Variants in OPCML observed in about 807,000 individuals in gnomAD.
OPCML encodes the protein opioid-binding protein/cell adhesion molecule.
OPCML carries 13 observed loss-of-function variants against 37.8 expected under a neutral mutation model. That is an observed-to-expected ratio of 0.34 (90% confidence interval 0.22 to 0.55). OPCML has a LOEUF of 0.55. Among genes scored for constraint, OPCML ranks in the 20% least tolerant of loss-of-function variants. The probability of loss-of-function intolerance (pLI) is 0.91; values close to 1 mark genes in which losing one functional copy is unlikely to be tolerated. For missense variants in OPCML, 341 were observed against 435.6 expected (o/e 0.78, Z 1.93); for synonymous variants, 176 against 168.8 (o/e 1.04, Z -0.33).
chr11:132,871,982 A>G (rs1220964001), intron 2 of OPCML, among the ~76,000 whole-genome samples: 1 of 152,154 alleles, frequency 6.6e-6, no homozygotes, highest in East Asian at 1.9e-4. Context: ...CTAAAATTTT[A>G]TCCCATCTTT....
At chr11:133,256,242 T>C (rs1222276319) in intron 1 of OPCML, among the ~76,000 whole-genome samples, 1 of 152,246 alleles carries the variant, frequency 6.6e-6, no homozygotes, top group East Asian at 1.9e-4. Flanking sequence ...CCCAACTGTT[T>C]GGAGTTCATC....
At chr11:132,645,648 C>A (rs1195324597) in intron 3 of OPCML, among the ~76,000 whole-genome samples, 1 of 152,100 alleles carries the variant, frequency 6.6e-6, no homozygotes, top group Non-Finnish European at 1.5e-5. Context: ...ACAGGTATCA[C>A]AAGGAAGTAC....
intron 1 of OPCML, among the ~76,000 whole-genome samples, chr11:133,022,805 TC>T (rs140767713): frequency 1.6e-3 from 250 of 152,240 alleles, no homozygotes; most frequent in African/African-American, 5.7e-3. Flanking sequence ...CCTAAACTAA[TC>T]CTTCCCTTCA....
At chr11:133,394,885 T>C (rs1945253203) in intron 1 of OPCML, among the ~76,000 whole-genome samples, 1 of 152,250 alleles carries the variant, frequency 6.6e-6, no homozygotes, top group Admixed American at 6.5e-5. Flanking sequence ...TTGGAGTATA[T>C]ACCCATAAAT....
At chr11:132,718,130 T>C (rs1010789016) in intron 2 of OPCML, among the ~76,000 whole-genome samples, 3 of 152,170 alleles carry the variant, frequency 2.0e-5, no homozygotes, top group African/African-American at 7.2e-5. Flanking sequence ...TCAGGCTCAG[T>C]GTCTCCACTC....
chr11:132,663,808 A>C (rs1942091321), intron 2 of OPCML, among the ~76,000 whole-genome samples: 1 of 152,224 alleles, frequency 6.6e-6, no homozygotes, highest in African/African-American at 2.4e-5. Flanking sequence ...CCTGGGATTT[A>C]ATGTTGTTTT....
At chr11:132,830,308 C>T (rs980262106) in intron 2 of OPCML, among the ~76,000 whole-genome samples, 4 of 152,272 alleles carry the variant, frequency 2.6e-5, no homozygotes, top group Middle Eastern at 3.4e-3. Context: ...ATGGTAAGTA[C>T]GTGATTCATA....
Position 133,212,314 on chromosome 11 carries a change from C to T in OPCML, c.62-269304G>A, listed in dbSNP as rs1321228370. ...GGGCATCATCTACCGCCCTGCTTCC[C>T]ATTTCCTCTCAGATCTCATCTCCTG... is the stretch of plus-strand genomic sequence containing the variant. On this transcript the variant is annotated intron_variant, in intron 1 of 7. Coordinates refer to ENST00000524381, the MANE Select transcript of OPCML (RefSeq NM_001012393.5). The surrounding 1 kb of genome is among the most constrained non-coding windows in gnomAD (Gnocchi z 4.9). Among the ~76,000 whole-genome samples the T allele has an allele frequency of 1.3e-5, 2 of 152,118 alleles. No homozygotes were observed. Among genetic ancestry groups the T allele is most frequent in the Admixed American group, 6.5e-5 (1 of 15,274 alleles).
rs60460889 is a variant in OPCML at position 132,527,590 on chromosome 11, G to T, written c.505+1471C>A. Among the ~76,000 whole-genome samples, 364 of 151,926 alleles carry T rather than the reference G, an allele frequency of 2.4e-3. 3 individuals are homozygous for T. The highest frequency in any genetic ancestry group is 8.2e-3 in the African/African-American group (339 of 41,430). ...GTGGAGTGTTAGAATTGTGTTGGAAGAATTCTTCATATACACTAGATGTAA... is the reference window on the plus strand; with the variant it reads ...GTGGAGTGTTAGAATTGTGTTGGAATAATTCTTCATATACACTAGATGTAA... On this transcript the variant is annotated intron_variant, in intron 4 of 7. Coordinates refer to ENST00000524381, the MANE Select transcript of OPCML (RefSeq NM_001012393.5).
intron 2 of OPCML, among the ~76,000 whole-genome samples, chr11:132,858,357 T>C (rs1942147481): frequency 6.6e-6 from 1 of 152,042 alleles, no homozygotes; most frequent in African/African-American, 2.4e-5. Flanking sequence ...TTGAAATGCC[T>C]CCACAGTTCC....
chr11:133,479,858 T>C (rs1947336233), intron 1 of OPCML, among the ~76,000 whole-genome samples: 2 of 152,176 alleles, frequency 1.3e-5, no homozygotes, highest in Admixed American at 1.3e-4. Context: ...CACCGGCCTC[T>C]CCACCCACGA....
At chr11:133,228,963 A>C (rs984114370) in intron 1 of OPCML, among the ~76,000 whole-genome samples, 1 of 152,086 alleles carries the variant, frequency 6.6e-6, no homozygotes, top group African/African-American at 2.4e-5. Flanking sequence ...AAAGTGTCCC[A>C]GTGGCACCGC....
chr11:132,757,687 C>T (rs923800551), intron 2 of OPCML, among the ~76,000 whole-genome samples: 2 of 151,976 alleles, frequency 1.3e-5, no homozygotes, highest in African/African-American at 4.8e-5. Flanking sequence ...CTTGTAGATT[C>T]GGGATATTAG....
At chr11:132,919,830 G>C in intron 2 of OPCML, among the ~76,000 whole-genome samples, 1 of 152,336 alleles carries the variant, frequency 6.6e-6, no homozygotes, top group Non-Finnish European at 1.5e-5. Context: ...AACATTTGTA[G>C]AAAGAATGAC....
chr11:133,470,604 A>G (rs1477669674), intron 1 of OPCML, among the ~76,000 whole-genome samples: 1 of 152,192 alleles, frequency 6.6e-6, no homozygotes, highest in Non-Finnish European at 1.5e-5. Flanking sequence ...GATTTCTGGA[A>G]ACCCAGCAGA....
chr11:132,847,830 A>T (rs1941619827), intron 2 of OPCML, among the ~76,000 whole-genome samples: 1 of 152,174 alleles, frequency 6.6e-6, no homozygotes, highest in Non-Finnish European at 1.5e-5. Flanking sequence ...TTAGAGCCAC[A>T]TTTGTACATG....
chr11:133,152,699 G>T (rs556761329), intron 1 of OPCML, among the ~76,000 whole-genome samples: 5 of 152,142 alleles, frequency 3.3e-5, no homozygotes, highest in Admixed American at 6.5e-5. Context: ...TAATTGATGC[G>T]TGGGACTACC....
At chr11:133,220,237 G>A (rs886505979) in intron 1 of OPCML, among the ~76,000 whole-genome samples, 1 of 152,160 alleles carries the variant, frequency 6.6e-6, no homozygotes, top group African/African-American at 2.4e-5. Flanking sequence ...CTGCCAGACA[G>A]GAGAGGGAGT....
At chr11:132,757,818 A>T (rs1364408320) in intron 2 of OPCML, among the ~76,000 whole-genome samples, 1 of 152,018 alleles carries the variant, frequency 6.6e-6, no homozygotes, top group Non-Finnish European at 1.5e-5. Flanking sequence ...TCCATTTGTC[A>T]ATTTTGACTT....
Sources: gnomAD v4.1 joint callset for allele counts (sites outside exome capture counted in the v4.1 genomes callset) on GRCh38, gnomAD v4.1.1 for gene constraint, Gnocchi (gnomAD v3.1) non-coding constraint, MANE v1.5 for transcripts, NCBI Gene and HGNC (gene_info 2026-07-23, HGNC 2026-07-21) for gene names.